The following ZBTB20 variants were observed in gnomAD, a reference collection of about 807,000 sequenced individuals.
The protein encoded by ZBTB20 is zinc finger and BTB domain containing 20, also known as zinc finger and BTB domain-containing protein 20.
In ZBTB20, 9 loss-of-function variants were observed where a neutral mutation model predicts 56.9. The observed-to-expected ratio is 0.16, with a 90% CI of 0.10 to 0.28. ZBTB20 has a LOEUF of 0.28. Ranked by LOEUF, ZBTB20 falls within the 10% of genes least tolerant of loss-of-function variation. The pLI, the probability that ZBTB20 is intolerant of heterozygous loss-of-function variation, is 1.00. For missense variants in ZBTB20, 655 were observed against 1,003.0 expected (o/e 0.65, Z 4.69); for synonymous variants, 417 against 420.7 (o/e 0.99, Z 0.11).
Position 114,747,285 on chromosome 3 carries a change from G to T in ZBTB20, c.-342-53710C>A, listed in dbSNP as rs376809935. Among the ~76,000 whole-genome samples the T allele has an allele frequency of 5.3e-4, 80 of 152,198 alleles. No homozygotes were observed. In the South Asian group the frequency reaches 0.015, roughly 28 times the overall value. On this transcript the variant is annotated intron_variant, in intron 5 of 11. Transcript: ENST00000675478. ...ATAGCCAAATGTATTCATATTTTTG[G>T]CCAGGCGCAGTGGCTTATGCCTGTA...
intron 4 of ZBTB20, among the ~76,000 whole-genome samples, chr3:114,833,214 C>T (rs1319765222): frequency 1.3e-5 from 2 of 152,064 alleles, no homozygotes; most frequent in African/African-American, 4.8e-5. Flanking sequence ...TACAGTACAA[C>T]TCAGGTTGCC....
chr3:114,665,227 A>G (rs924966113), intron 6 of ZBTB20, among the ~76,000 whole-genome samples: 1 of 152,068 alleles, frequency 6.6e-6, no homozygotes. Context: ...ATATGTTTAC[A>G]TATGTAAATA....
intron 6 of ZBTB20, among the ~76,000 whole-genome samples, chr3:114,594,782 A>G (rs80263148): frequency 0.013 from 1,937 of 152,236 alleles, 34 homozygotes; most frequent in African/African-American, 0.04. Flanking sequence ...GTTCTCTATT[A>G]TATCTTGAGG....
At chr3:114,559,941 A>G (rs2051790852) in intron 6 of ZBTB20, among the ~76,000 whole-genome samples, 1 of 152,178 alleles carries the variant, frequency 6.6e-6, no homozygotes, top group African/African-American at 2.4e-5. Context: ...ATGTTATTGT[A>G]GCTGTGAAGA....
rs979536290 is a variant in ZBTB20, at chr3:114,725,169, C to G, written c.-342-31594G>C. Among the ~76,000 whole-genome samples, 4 of 152,168 alleles carry G rather than the reference C, an allele frequency of 2.6e-5. No homozygotes were observed. The East Asian group carries it at 7.7e-4, about 29-fold the overall frequency. On this transcript the variant is annotated intron_variant, in intron 5 of 11. Coordinates refer to ENST00000675478, the MANE Select transcript of ZBTB20 (RefSeq NM_001348800.3). ...AGACCATGCTTTCTATTCCTTAAGT[C>G]AGAATTCAGTTAGATGAGTTTAAAC...
intron 3 of ZBTB20, among the ~76,000 whole-genome samples, chr3:114,961,112 TA>T (rs145203846): frequency 5.2e-3 from 712 of 136,728 alleles, no homozygotes; most frequent in Admixed American, 4.8e-3. Context: ...CTTCTACAGG[TA>T]AAAAAAAAAA....
At chr3:114,901,472 T>C (rs2075116555) in intron 3 of ZBTB20, among the ~76,000 whole-genome samples, 2 of 152,162 alleles carry the variant, frequency 1.3e-5, no homozygotes, top group South Asian at 4.1e-4. Flanking sequence ...TACAAAAGAC[T>C]TTCTAGAAAC....
chr3:115,005,350 A>AC (rs765746552), intron 2 of ZBTB20, among the ~76,000 whole-genome samples: 39 of 151,786 alleles, frequency 2.6e-4, no homozygotes, highest in South Asian at 6.2e-4. Context: ...ATTTTTAATG[A>AC]CCCCAAATAT....
chr3:114,785,463 T>C (rs533675436), intron 5 of ZBTB20, among the ~76,000 whole-genome samples: 1 of 152,246 alleles, frequency 6.6e-6, no homozygotes, highest in Admixed American at 6.6e-5. Context: ...ACATCAGGTG[T>C]TGAATGTTAT....
intron 7 of ZBTB20, among the ~76,000 whole-genome samples, chr3:114,467,788 T>G (rs1037032198): frequency 6.6e-6 from 1 of 152,246 alleles, no homozygotes; most frequent in Non-Finnish European, 1.5e-5. Context: ...AATTTTTATA[T>G]GCAGGTTAAT....
rs867275928 is a variant in ZBTB20 at position 114,977,739 on chromosome 3, T to C, written c.-506-3323A>G. ...CTGAACTCCAATGTGGGAAGGACTTTTAAAGTACATACACAGTGGTATATA... is the reference window on the plus strand; with the variant it reads ...CTGAACTCCAATGTGGGAAGGACTTCTAAAGTACATACACAGTGGTATATA... On this transcript the variant is annotated intron_variant, in intron 2 of 11. Transcript: ENST00000675478. 5.3e-5 allele frequency among the ~76,000 whole-genome samples: 8 copies of C among 152,278 alleles called. 1 individual carries two copies. Among genetic ancestry groups the C allele is most frequent in the Middle Eastern group, 3.4e-3 (1 of 294 alleles).
chr3:114,778,201 A>G (rs2069768094), intron 5 of ZBTB20, among the ~76,000 whole-genome samples: 1 of 150,024 alleles, frequency 6.7e-6, no homozygotes, highest in African/African-American at 2.4e-5. Context: ...CATATGTAAC[A>G]AACCTGCACG....
Position 114,908,270 on chromosome 3 carries a change from G to A in ZBTB20, c.-455-7928C>T, listed in dbSNP as rs1487057927. Among the ~76,000 whole-genome samples the A allele has an allele frequency of 3.9e-5, 6 of 151,970 alleles. No homozygotes were observed. The East Asian group carries it at 1.2e-3, about 29-fold the overall frequency. ...AGGTCCTATAGAAACATTTCTGTACGAATATATAAACATCAAATACATAAA... is the reference window on the plus strand; with the variant it reads ...AGGTCCTATAGAAACATTTCTGTACAAATATATAAACATCAAATACATAAA... On this transcript the variant is annotated intron_variant, in intron 3 of 11. Coordinates refer to ENST00000675478, the MANE Select transcript of ZBTB20 (RefSeq NM_001348800.3).
chr3:114,897,705 A>C (rs937664511), intron 4 of ZBTB20, among the ~76,000 whole-genome samples: 17 of 152,096 alleles, frequency 1.1e-4, no homozygotes, highest in African/African-American at 4.1e-4. Context: ...ACTGGAAAAA[A>C]CCGATGTCTT....
At chr3:114,716,924 A>T (rs1312131994) in intron 5 of ZBTB20, among the ~76,000 whole-genome samples, 1 of 152,104 alleles carries the variant, frequency 6.6e-6, no homozygotes, top group African/African-American at 2.4e-5. Context: ...AATGAAAAAA[A>T]GTGGGGGGTA....
Position 114,331,777 on chromosome 3 carries a change from C to A in ZBTB20, c.*7228G>T, listed in dbSNP as rs573918140. 3.3e-5 allele frequency: 5 copies of A among 152,128 alleles called. No homozygotes were observed. The highest frequency in any genetic ancestry group is 2.0e-4 in the Admixed American group (3 of 15,280). 9.4% of individuals were successfully genotyped at this position (152,128 alleles called of 1,614,324 possible). On this transcript the variant is annotated 3_prime_UTR_variant, in exon 12 of 12. Coordinates refer to ENST00000675478, the MANE Select transcript of ZBTB20 (RefSeq NM_001348800.3). ...TAAGGCAACAAAGCATAAGCAGATA[C>A]GTGAGATATGTCAGACCTTCGACTT...
intron 7 of ZBTB20, among the ~76,000 whole-genome samples, chr3:114,408,632 T>C (rs1261426767): frequency 2.6e-5 from 4 of 152,138 alleles, no homozygotes; most frequent in Non-Finnish European, 5.9e-5. Context: ...TTTCGCAGTC[T>C]GGTTGCATTG....
At chr3:114,514,635 T>C (rs1202074849) in intron 6 of ZBTB20, among the ~76,000 whole-genome samples, 3 of 152,182 alleles carry the variant, frequency 2.0e-5, no homozygotes, top group Non-Finnish European at 4.4e-5. Flanking sequence ...TGGGGAATAC[T>C]TTATTTGGTC....
intron 4 of ZBTB20, among the ~76,000 whole-genome samples, chr3:114,891,572 C>A (rs570107921): frequency 2.7e-4 from 41 of 152,156 alleles, no homozygotes; most frequent in African/African-American, 9.4e-4. Flanking sequence ...AATATTGAAC[C>A]CATTTTAGAA....
Sources: gnomAD v4.1 joint callset for allele counts (sites outside exome capture counted in the v4.1 genomes callset) on GRCh38, gnomAD v4.1.1 for gene constraint, MANE v1.5 for transcripts, NCBI Gene and HGNC (gene_info 2026-07-23, HGNC 2026-07-21) for gene names.